OR4K5: variants seen among roughly 807,000 people sequenced by gnomAD.
The protein encoded by OR4K5 is olfactory receptor 4K5.
For synonymous variants in OR4K5, 187 were observed against 142.2 expected, an observed-to-expected ratio of 1.31 and a Z score of -2.24; for missense variants, 520 against 377.1, an observed-to-expected ratio of 1.38 and a Z score of -3.14.
rs752199075 is a variant in OR4K5, at chr14:19,921,341, A to T, written c.735A>T (p.Ala245=). 2.4e-5 allele frequency: 39 copies of T among 1,614,056 alleles called. No individual in the cohort carries two copies. The highest frequency in any genetic ancestry group is 5.0e-5 in the Admixed American group (3 of 59,998). ...KAFSTLASHI[A]VVILFFGPCI... The stretch of plus-strand genomic sequence containing the variant: ...TTTCTACGCTGGCTTCCCATATTGC[A>T]GTAGTAATATTATTCTTTGGACCTT... Residue 245 remains alanine, a synonymous_variant, in exon 1 of 1, where the codon GCA becomes GCT. Transcript: ENST00000315915.
rs369702179 is a variant in OR4K5 at position 19,921,356 on chromosome 14, C to T, written c.750C>T (p.Phe250=). ...CCCATATTGCAGTAGTAATATTATT[C>T]TTTGGACCTTGCATCTTCATCTATG... is the stretch of plus-strand genomic sequence containing the variant. ...LASHIAVVIL[F]FGPCIFIYVW... Residue 250 remains phenylalanine (F), a synonymous_variant, in exon 1 of 1, where the codon TTC becomes TTT. Coordinates refer to ENST00000315915, the MANE Select transcript of OR4K5 (RefSeq NM_001005483.1). 3 of 1,614,046 alleles carry T rather than the reference C, an allele frequency of 1.9e-6. No individual in the cohort carries two copies. The African/African-American group carries it at 4.0e-5, about 22-fold the overall frequency.
chr14:19,920,805 T>C lies in OR4K5; in HGVS notation c.199T>C (p.Ser67Pro). ...TATGTACTTTCTCTTGGGAAACCTT[T>C]CCTTTGTTGACATTTGTCAGGCTTC... ...SPMYFLLGNL[S>P]FVDICQASFA... The change falls in exon 1 of 1, where the codon TCC (serine) becomes CCC (proline). Residue 67 changes from serine to proline, a missense_variant. Physicochemically the swap from Ser to Pro is moderately conservative, Grantham distance 74. Coordinates refer to ENST00000315915, the MANE Select transcript of OR4K5 (RefSeq NM_001005483.1). The C allele has an allele frequency of 1.2e-6, 2 of 1,614,224 alleles. No individual in the cohort carries two copies. The highest frequency in any genetic ancestry group is 8.5e-7 in the Non-Finnish European group (1 of 1,180,014).
rs1881933648 is a variant in OR4K5, at chr14:19,921,258, T to C, written c.652T>C (p.Tyr218His). ...CACTTTCTCTCTCTTGGTCAGCTCC[T>C]ACATCATTATTCTTGTTACAGTTTG... is the stretch of plus-strand genomic sequence containing the variant. The part of the protein sequence containing the change: ...LSTFSLLVSS[Y>H]IIILVTVWLK... The change falls in exon 1 of 1, where the codon TAC (tyrosine) becomes CAC (histidine). Residue 218 changes from tyrosine to histidine, a missense_variant. Transcript: ENST00000315915. 4 of 1,614,070 alleles carry C rather than the reference T, an allele frequency of 2.5e-6. No individual in the cohort carries two copies. Among genetic ancestry groups the C allele is most frequent in the Non-Finnish European group, 3.4e-6 (4 of 1,179,990 alleles).
Position 19,921,442 on chromosome 14 carries a change from C to T in OR4K5, c.836C>T (p.Thr279Ile). The T allele has an allele frequency of 6.2e-7, 1 of 1,614,114 alleles. No homozygotes were observed. Among genetic ancestry groups the T allele is most frequent in the Non-Finnish European group, 8.5e-7 (1 of 1,179,958 alleles). Residue 279 changes from threonine to isoleucine, a missense_variant, in exon 1 of 1, where the codon ACC becomes ATC. Physicochemically the swap from Thr to Ile is moderately conservative, Grantham distance 89. Transcript: ENST00000315915. ...CTTGCCATATTTTACACTGTTTTCA[C>T]CCCCGTCCTAAACCCCATTATTTAT... ...KFLAIFYTVF[T>I]PVLNPIIYTL...
In OR4K5 at chr14:19,921,045, A is replaced by T. The variant is rs775499743; in HGVS notation, c.439A>T (p.Ile147Phe). The T allele has an allele frequency of 1.4e-5, 23 of 1,614,032 alleles. No homozygotes were observed. Among genetic ancestry groups the T allele is most frequent in the Admixed American group, 6.7e-5 (4 of 59,992 alleles). ...SRRTCTVLVM[I>F]SWAVSLVHTL... ...AAGGACATGCACTGTCTTGGTAATG[A>T]TCTCCTGGGCTGTGAGCTTGGTGCA... Residue 147 changes from isoleucine to phenylalanine, a missense_variant, in exon 1 of 1, where the codon ATC (isoleucine) becomes TTC (phenylalanine). Physicochemically the swap from Ile to Phe is conservative, Grantham distance 21. Coordinates refer to ENST00000315915, the MANE Select transcript of OR4K5 (RefSeq NM_001005483.1).
Position 19,921,554 on chromosome 14 carries a change from A to T in OR4K5, c.948A>T (p.Leu316=). ...LRPRRISEMS[L]VVRTSFH is the part of the protein sequence containing the mutation. ...CAAGGAGAATTTCTGAAATGTCACTAGTAGTGAGAACTTCCTTTCATTAAG... is the reference window on the plus strand; with the variant it reads ...CAAGGAGAATTTCTGAAATGTCACTTGTAGTGAGAACTTCCTTTCATTAAG... The change falls in exon 1 of 1, where the codon CTA becomes CTT. Residue 316 remains leucine, a synonymous_variant. Coordinates refer to ENST00000315915, the MANE Select transcript of OR4K5 (RefSeq NM_001005483.1). 2 of 1,612,158 alleles carry T rather than the reference A, an allele frequency of 1.2e-6. No homozygotes were observed. Among genetic ancestry groups the T allele is most frequent in the Non-Finnish European group, 1.7e-6 (2 of 1,179,280 alleles).
chr14:19,921,216 G>A lies in OR4K5; in HGVS notation c.610G>A (p.Gly204Arg). Residue 204 changes from glycine to arginine, a missense_variant, in exon 1 of 1, where the codon GGA becomes AGA. Physicochemically the swap from Gly to Arg is moderately radical, Grantham distance 125. Coordinates refer to ENST00000315915, the MANE Select transcript of OR4K5 (RefSeq NM_001005483.1). ...TGAAATACTAATTGTGGTCAATAGT[G>A]GAATTCTTTCCCTAAGCACTTTCTC... ...IIEILIVVNS[G>R]ILSLSTFSLL... The A allele has an allele frequency of 1.2e-6, 2 of 1,614,134 alleles. No individual in the cohort carries two copies. The highest frequency in any genetic ancestry group is 1.7e-6 in the Non-Finnish European group (2 of 1,179,984).
rs1353978110 is a variant in OR4K5 at position 19,920,770 on chromosome 14, T to C, written c.164T>C (p.Leu55Pro). Residue 55 changes from leucine (L) to proline (P), a missense_variant, in exon 1 of 1, where the codon CTG becomes CCG. By Grantham distance (98) the Leu-to-Pro change is moderately conservative. Transcript: ENST00000315915. ...CTCACAGTGACTTCTGATACCAGCC[T>C]GCACTCCCCTATGTACTTTCTCTTG... Reference protein sequence around the residue: ...IILTVTSDTSLHSPMYFLLGN... With the variant: ...IILTVTSDTSPHSPMYFLLGN... 1 of 1,614,178 alleles carries C rather than the reference T, an allele frequency of 6.2e-7. No homozygotes were observed.
At position 19,920,623 on chromosome 14, in the gene OR4K5, C is replaced by A; in HGVS notation, c.17C>A (p.Ser6Tyr). Residue 6 changes from serine to tyrosine, a missense_variant, in exon 1 of 1, where the codon TCT becomes TAT. Coordinates refer to ENST00000315915, the MANE Select transcript of OR4K5 (RefSeq NM_001005483.1). The stretch of plus-strand genomic sequence containing the variant: ...CTTGGAACCATGGATAAGTCCAATT[C>A]TTCAGTGGTGTCTGAATTTGTACTG... Reference protein sequence around the residue: MDKSNSSVVSEFVLLG... With the variant: MDKSNYSVVSEFVLLG... 1 of 1,609,538 alleles carries A rather than the reference C, an allele frequency of 6.2e-7. No homozygotes were observed. The highest frequency in any genetic ancestry group is 1.1e-5 in the South Asian group (1 of 90,166).
In OR4K5 at chr14:19,921,189, A is replaced by G; in HGVS notation, c.583A>G (p.Ile195Val). The G allele has an allele frequency of 1.2e-6, 2 of 1,614,182 alleles. No individual in the cohort carries two copies. Among genetic ancestry groups the G allele is most frequent in the Non-Finnish European group, 1.7e-6 (2 of 1,180,004 alleles). Reference sequence around the variant, plus strand: ...ACTTGCCTGCCTGGACTCTTACATCATTGAAATACTAATTGTGGTCAATAG... The same window carrying G: ...ACTTGCCTGCCTGGACTCTTACATCGTTGAAATACTAATTGTGGTCAATAG... Reference protein sequence around the residue: ...TKLACLDSYIIEILIVVNSGI... With the variant: ...TKLACLDSYIVEILIVVNSGI... Residue 195 changes from isoleucine (I) to valine (V), a missense_variant, in exon 1 of 1, where the codon ATT becomes GTT. By Grantham distance (29) the Ile-to-Val change is conservative. Transcript: ENST00000315915.
In OR4K5 at chr14:19,921,129, G is replaced by GAC. The variant is rs1566497830; in HGVS notation, c.525_526dup (p.Ser176ThrfsTer24). On this transcript the variant is annotated frameshift_variant, in exon 1 of 1. Coordinates refer to ENST00000315915, the MANE Select transcript of OR4K5 (RefSeq NM_001005483.1). LOFTEE classifies it low-confidence loss of function (END_TRUNC). ...GCCTTTTTGTGGACCTAATGTAGTAGACAGCTTTTTTTGTGATCTTCCTCG... is the reference window on the plus strand; with the variant it reads ...GCCTTTTTGTGGACCTAATGTAGTAGACACAGCTTTTTTTGTGATCTTCCTCG... 4.3e-6 allele frequency: 7 copies of GAC among 1,614,046 alleles called. No individual in the cohort carries two copies. Among genetic ancestry groups the GAC allele is most frequent in the Non-Finnish European group, 5.1e-6 (6 of 1,180,008 alleles).
chr14:19,920,763 A>G lies in OR4K5; in HGVS notation c.157A>G (p.Thr53Ala). The change falls in exon 1 of 1, where the codon ACC becomes GCC. Residue 53 changes from threonine (T) to alanine (A), a missense_variant. Transcript: ENST00000315915. ...LLIILTVTSD[T>A]SLHSPMYFLL... ...CATTATCCTCACAGTGACTTCTGAT[A>G]CCAGCCTGCACTCCCCTATGTACTT... is the stretch of plus-strand genomic sequence containing the variant. 6.2e-7 allele frequency: 1 copy of G among 1,614,168 alleles called. No individual in the cohort carries two copies.
Position 19,920,934 on chromosome 14 carries a change from G to A in OR4K5, c.328G>A (p.Gly110Arg), listed in dbSNP as rs772629561. 1.2e-6 allele frequency: 2 copies of A among 1,614,170 alleles called. No homozygotes were observed. The highest frequency in any genetic ancestry group is 1.1e-5 in the South Asian group (1 of 91,084). ...QIFFIHLFTG[G>R]EMVLLVSMAY... Reference sequence around the variant, plus strand: ...TTTCTTTATTCACCTTTTTACTGGAGGGGAGATGGTGCTACTTGTTTCGAT... The same window carrying A: ...TTTCTTTATTCACCTTTTTACTGGAAGGGAGATGGTGCTACTTGTTTCGAT... The change falls in exon 1 of 1, where the codon GGG (glycine) becomes AGG (arginine). Residue 110 changes from glycine (G) to arginine (R), a missense_variant. Physicochemically the swap from Gly to Arg is moderately radical, Grantham distance 125. Coordinates refer to ENST00000315915, the MANE Select transcript of OR4K5 (RefSeq NM_001005483.1).
Position 19,921,313 on chromosome 14 carries a change from C to T in OR4K5, c.707C>T (p.Ala236Val), listed in dbSNP as rs764742947. 1.9e-6 allele frequency: 3 copies of T among 1,614,180 alleles called. No homozygotes were observed. The highest frequency in any genetic ancestry group is 4.5e-5 in the East Asian group (2 of 44,890). The change falls in exon 1 of 1, where the codon GCA becomes GTA. Residue 236 changes from alanine (A) to valine (V), a missense_variant. Coordinates refer to ENST00000315915, the MANE Select transcript of OR4K5 (RefSeq NM_001005483.1). ...WLKSSAAMAK[A>V]FSTLASHIAV... The stretch of plus-strand genomic sequence containing the variant: ...AAGTCTTCAGCTGCAATGGCAAAGG[C>T]ATTTTCTACGCTGGCTTCCCATATT...
rs1323539275 is a variant in OR4K5, at chr14:19,921,237, TTC to T, written c.639_640del (p.Leu214GlyfsTer55). On this transcript the variant is annotated frameshift_variant, in exon 1 of 1. Transcript: ENST00000315915. LOFTEE classifies it low-confidence loss of function (END_TRUNC). ...TAGTGGAATTCTTTCCCTAAGCACT[TTC>T]TCTCTCTTGGTCAGCTCCTACATCA... ...VNSGILSLSTFSLLVSSYIII... is the reference protein window; with the variant it reads ...VNSGILSLSTXSLLVSSYIII... The T allele has an allele frequency of 3.1e-6, 5 of 1,614,086 alleles. No individual in the cohort carries two copies. Among genetic ancestry groups the T allele is most frequent in the Non-Finnish European group, 4.2e-6 (5 of 1,179,998 alleles).
Position 19,921,229 on chromosome 14 carries a change from T to C in OR4K5, c.623T>C (p.Leu208Pro), listed in dbSNP as rs774580078. Residue 208 changes from leucine to proline, a missense_variant, in exon 1 of 1, where the codon CTA becomes CCA. By Grantham distance (98) the Leu-to-Pro change is moderately conservative (BLOSUM62 -3). Coordinates refer to ENST00000315915, the MANE Select transcript of OR4K5 (RefSeq NM_001005483.1). ...GTGGTCAATAGTGGAATTCTTTCCC[T>C]AAGCACTTTCTCTCTCTTGGTCAGC... ...LIVVNSGILS[L>P]STFSLLVSSY... 8.1e-6 allele frequency: 13 copies of C among 1,614,088 alleles called. No homozygotes were observed. In the Admixed American group the frequency reaches 1.5e-4, roughly 19 times the overall value.
At position 19,921,430 on chromosome 14, in the gene OR4K5, A is replaced by G; in HGVS notation, c.824A>G (p.Tyr275Cys). The change falls in exon 1 of 1, where the codon TAC becomes TGC. Residue 275 changes from tyrosine (Y) to cysteine (C), a missense_variant. Tyr to Cys is a radical substitution (Grantham distance 194). Transcript: ENST00000315915. ...SPLDKFLAIF[Y>C]TVFTPVLNPI... ...TTGGATAAATTTCTTGCCATATTTT[A>G]CACTGTTTTCACCCCCGTCCTAAAC... The G allele has an allele frequency of 6.2e-7, 1 of 1,614,118 alleles. No homozygotes were observed. The highest frequency in any genetic ancestry group is 8.5e-7 in the Non-Finnish European group (1 of 1,179,972).
rs750588543 is a variant in OR4K5 at position 19,921,133 on chromosome 14, G to C, written c.527G>C (p.Ser176Thr). The C allele has an allele frequency of 1.1e-5, 18 of 1,614,160 alleles. No homozygotes were observed. The highest frequency in any genetic ancestry group is 1.5e-5 in the Non-Finnish European group (18 of 1,180,000). ...LPFCGPNVVD[S>T]FFCDLPRVTK... ...TTTTGTGGACCTAATGTAGTAGACA[G>C]CTTTTTTTGTGATCTTCCTCGAGTC... is the stretch of plus-strand genomic sequence containing the variant. Residue 176 changes from serine to threonine, a missense_variant, in exon 1 of 1, where the codon AGC becomes ACC. Physicochemically the swap from Ser to Thr is moderately conservative, Grantham distance 58. Transcript: ENST00000315915.
Position 19,921,223 on chromosome 14 carries a change from T to C in OR4K5, c.617T>C (p.Leu206Pro), listed in dbSNP as rs546525142. 6.2e-7 allele frequency: 1 copy of C among 1,614,214 alleles called. No homozygotes were observed. The highest frequency in any genetic ancestry group is 2.2e-5 in the East Asian group (1 of 44,894). Residue 206 changes from leucine to proline, a missense_variant, in exon 1 of 1, where the codon CTT (leucine) becomes CCT (proline). Coordinates refer to ENST00000315915, the MANE Select transcript of OR4K5 (RefSeq NM_001005483.1). ...CTAATTGTGGTCAATAGTGGAATTC[T>C]TTCCCTAAGCACTTTCTCTCTCTTG... Reference protein sequence around the residue: ...EILIVVNSGILSLSTFSLLVS... With the variant: ...EILIVVNSGIPSLSTFSLLVS...
Sources: allele counts gnomAD v4.1 joint callset, GRCh38; gene constraint gnomAD v4.1.1; transcripts MANE v1.5; gene names NCBI Gene and HGNC (gene_info 2026-07-23, HGNC 2026-07-21).